DRICH1: variants seen among roughly 807,000 people sequenced by gnomAD.
DRICH1 encodes the protein aspartate rich 1.
A neutral mutation model predicts 39.5 loss-of-function variants in DRICH1; 38 were observed. The observed-to-expected ratio is 0.96, with a 90% CI of 0.74 to 1.26. The LOEUF (loss-of-function observed/expected upper bound fraction) is 1.26, where lower values mean the gene tolerates loss of function less well. Ranked by LOEUF, DRICH1 falls within the 50% of genes most tolerant of loss-of-function variation. The pLI, the probability that DRICH1 is intolerant of heterozygous loss-of-function variation, is 0.00. For missense variants in DRICH1, 279 were observed against 270.4 expected (o/e 1.03, Z -0.22); for synonymous variants, 84 against 99.5 (o/e 0.84, Z 0.93).
intron 3 of DRICH1, chr22:23,623,791 A>G (rs1256179940): frequency 3.6e-6 from 1 of 277,352 alleles, no homozygotes; most frequent in African/African-American, 2.3e-5. Flanking sequence ...GCTTGGGGGC[A>G]CCCATAAGTA....
At chr22:23,603,952 G>A (rs192684294), downstream of DRICH1, among the ~76,000 whole-genome samples, 6 of 152,262 alleles carry the variant, frequency 3.9e-5, no homozygotes, top group East Asian at 1.2e-3. Flanking sequence ...TACAGGATGT[G>A]CTGACATGAT....
chr22:23,597,249 T>C, the DRICH1 span, among the ~76,000 whole-genome samples: 1 of 148,546 alleles, frequency 6.7e-6, no homozygotes, highest in Non-Finnish European at 1.5e-5. Context: ...TTCCAGAATT[T>C]GGGAGGCCAA....
the DRICH1 span, among the ~76,000 whole-genome samples, chr22:23,600,667 AT>A: frequency 6.4e-5 from 9 of 140,188 alleles, no homozygotes; most frequent in East Asian, 4.3e-4. Flanking sequence ...CGATTCGGCA[AT>A]TTTTTTTCTT....
At chr22:23,623,951 AGTGTGCTC>A (rs1423028607) in intron 3 of DRICH1, 4 of 619,170 alleles carry the variant, frequency 6.5e-6, no homozygotes, top group Middle Eastern at 1.5e-3. Context: ...GAATGCTGAC[AGTGTGCTC>A]AAGGTTGTGC....
At chr22:23,617,471 G>C in intron 7 of DRICH1, 104 bp downstream of exon 7, 1 of 1,347,708 alleles carries the variant, frequency 7.4e-7, no homozygotes, top group Non-Finnish European at 1.1e-6. Flanking sequence ...CACTTTTACT[G>C]TTTTTCAGCT....
the DRICH1 span, among the ~76,000 whole-genome samples, chr22:23,596,826 T>C: frequency 6.6e-6 from 1 of 152,178 alleles, no homozygotes; most frequent in African/African-American, 2.4e-5. Flanking sequence ...TTGGGAAGAA[T>C]CTGTATTCTG....
At chr22:23,593,454 C>A in the DRICH1 span, among the ~76,000 whole-genome samples, 1 of 151,942 alleles carries the variant, frequency 6.6e-6, no homozygotes, top group Admixed American at 6.6e-5. Flanking sequence ...CACCTGAGGT[C>A]AGAAGTTCGA....
the DRICH1 span, among the ~76,000 whole-genome samples, chr22:23,594,581 AT>A: frequency 6.6e-6 from 1 of 151,988 alleles, no homozygotes; most frequent in Non-Finnish European, 1.5e-5. Context: ...ATTTTTAGTC[AT>A]TGTTGAAGTT....
chr22:23,584,834 T>C, the DRICH1 span, among the ~76,000 whole-genome samples: 4 of 152,216 alleles, frequency 2.6e-5, no homozygotes, highest in African/African-American at 9.6e-5. Flanking sequence ...TCTCACTCTG[T>C]TGCCCAGGCT....
rs17002822 is a variant in DRICH1, at chr22:23,611,097, C to T, written c.685+2192G>A. Among the ~76,000 whole-genome samples the T allele has an allele frequency of 4.8e-3, 729 of 152,252 alleles. 8 individuals are homozygous for T. The highest frequency in any genetic ancestry group is 0.016 in the African/African-American group (683 of 41,528). On this transcript the variant is annotated intron_variant, in intron 11 of 11. Transcript: ENST00000317749. ...TTCTGACCCATGGAGCAATGGGTAA[C>T]ACCAGCCTCACCGAACTCACATGCC...
chr22:23,598,814 C>T, the DRICH1 span, among the ~76,000 whole-genome samples: 1 of 152,234 alleles, frequency 6.6e-6, no homozygotes, highest in South Asian at 2.1e-4. Context: ...GCCCTCCATA[C>T]AAGTGTGTTC....
chr22:23,607,919 T>G (rs1926828078), downstream of DRICH1, among the ~76,000 whole-genome samples: 1 of 152,200 alleles, frequency 6.6e-6, no homozygotes, highest in Non-Finnish European at 1.5e-5. Flanking sequence ...CAGGGGAGCT[T>G]TGGCCCCAAG....
At chr22:23,631,674 C>T (rs3747103) in intron 1 of DRICH1, 142 bp downstream of exon 1, 181,102 of 701,482 alleles carry the variant, frequency 0.26, 23,241 homozygotes, top group East Asian at 0.35. Context: ...AGCCTTTGTC[C>T]CCCATGCCCA....
the DRICH1 span, among the ~76,000 whole-genome samples, chr22:23,582,583 T>TATTATTA: frequency 6.7e-6 from 1 of 149,600 alleles, no homozygotes; most frequent in Non-Finnish European, 1.5e-5. Context: ...ATTATTATTT[T>TATTATTA]GAGATGGAGT....
the DRICH1 span, among the ~76,000 whole-genome samples, chr22:23,585,100 T>C: frequency 6.6e-6 from 1 of 152,110 alleles, no homozygotes; most frequent in Non-Finnish European, 1.5e-5. Context: ...TTTTTTTTCC[T>C]CTCTCTCTCC....
At chr22:23,625,283 T>C (rs1927993128) in intron 2 of DRICH1, among the ~76,000 whole-genome samples, 1 of 152,216 alleles carries the variant, frequency 6.6e-6, no homozygotes, top group Non-Finnish European at 1.5e-5. Context: ...GTGTACGTTG[T>C]ACATAATGTG....
chr22:23,603,753 A>G (rs1444905685), downstream of DRICH1, among the ~76,000 whole-genome samples: 1 of 151,654 alleles, frequency 6.6e-6, no homozygotes, highest in African/African-American at 2.4e-5. Flanking sequence ...ATGGGCCATG[A>G]TCTGTCCTCC....
the DRICH1 span, among the ~76,000 whole-genome samples, chr22:23,600,287 G>A: frequency 6.6e-6 from 1 of 152,186 alleles, no homozygotes; most frequent in East Asian, 1.9e-4. Flanking sequence ...GCAGCAGGTG[G>A]GTTGTGACCT....
At chr22:23,604,321 C>G (rs866851278), downstream of DRICH1, among the ~76,000 whole-genome samples, 28 of 152,248 alleles carry the variant, frequency 1.8e-4, no homozygotes, top group South Asian at 8.3e-4. Flanking sequence ...GCCTGGGAGT[C>G]CCCTGCCAGG....
Sources: gnomAD v4.1 joint callset for allele counts (sites outside exome capture counted in the v4.1 genomes callset) on GRCh38, gnomAD v4.1.1 for gene constraint, MANE v1.5 for transcripts, NCBI Gene and HGNC (gene_info 2026-07-23, HGNC 2026-07-21) for gene names.